Variants in GOLIM4 observed in about 807,000 individuals in gnomAD.
The protein encoded by GOLIM4 is 130 kDa golgi-localized phosphoprotein.
Under a neutral mutation model 107.4 loss-of-function variants are expected in GOLIM4, and 71 were observed. That is an observed-to-expected ratio of 0.66 (90% confidence interval 0.55 to 0.81). GOLIM4 has a LOEUF of 0.81. Ranked by LOEUF, GOLIM4 falls within the 30% of genes least tolerant of loss-of-function variation. The pLI is 0.00. For missense variants in GOLIM4, 830 were observed against 826.1 expected, an observed-to-expected ratio of 1.00 and a Z score of -0.06; for synonymous variants, 327 against 294.8, an observed-to-expected ratio of 1.11 and a Z score of -1.12.
At chr3:168,036,473 C>T (rs1245564331) in intron 8 of GOLIM4, among the ~76,000 whole-genome samples, 1 of 152,122 alleles carries the variant, frequency 6.6e-6, no homozygotes, top group Non-Finnish European at 1.5e-5. Context: ...ACCCGGGAAG[C>T]GGAGGTTGCA....
At chr3:168,052,390 A>T (rs948594585) in intron 1 of GOLIM4, among the ~76,000 whole-genome samples, 2 of 151,400 alleles carry the variant, frequency 1.3e-5, no homozygotes, top group African/African-American at 4.9e-5. Flanking sequence ...ACACTCTCTC[A>T]CACACACACT....
intron 1 of GOLIM4, among the ~76,000 whole-genome samples, chr3:168,050,254 CCA>C (rs1213258936): frequency 7.0e-6 from 1 of 142,510 alleles, no homozygotes; most frequent in Admixed American, 6.8e-5. Context: ...GGTTCCAAGT[CCA>C]CTGCTAAAAA....
intron 1 of GOLIM4, among the ~76,000 whole-genome samples, chr3:168,088,916 T>C (rs901460828): frequency 6.6e-6 from 1 of 152,136 alleles, no homozygotes; most frequent in Admixed American, 6.5e-5. Flanking sequence ...GAACTTAAAC[T>C]AAAGGCTCCC....
intron 5 of GOLIM4, 63 bp downstream of exon 5, chr3:168,043,316 G>T: frequency 1.8e-6 from 2 of 1,132,554 alleles, no homozygotes; most frequent in Non-Finnish European, 2.6e-6. Flanking sequence ...GTCTACAGTT[G>T]CACTGAAACA....
chr3:168,059,312 T>A (rs988407355), intron 1 of GOLIM4, among the ~76,000 whole-genome samples: 1 of 152,238 alleles, frequency 6.6e-6, no homozygotes, highest in Non-Finnish European at 1.5e-5. Context: ...GGAATGCACC[T>A]AACTACCACT....
intron 9 of GOLIM4, 50 bp downstream of exon 9, chr3:168,032,470 G>T: frequency 1.5e-6 from 2 of 1,314,512 alleles, no homozygotes; most frequent in Non-Finnish European, 1.1e-6. Flanking sequence ...TAAAAATAAA[G>T]CCAGGTTTTC....
intron 1 of GOLIM4, among the ~76,000 whole-genome samples, chr3:168,090,720 GTA>G (rs1247450075): frequency 6.6e-6 from 1 of 152,114 alleles, no homozygotes; most frequent in Non-Finnish European, 1.5e-5. Context: ...ACCTGCACTT[GTA>G]TGTTTATTGC....
chr3:168,079,154 C>A (rs1425770884), intron 1 of GOLIM4, among the ~76,000 whole-genome samples: 1 of 152,116 alleles, frequency 6.6e-6, no homozygotes, highest in Non-Finnish European at 1.5e-5. Flanking sequence ...AGAACTAGAG[C>A]ATTCATAGTG....
intron 12 of GOLIM4, among the ~76,000 whole-genome samples, chr3:168,026,170 T>C (rs1233209519): frequency 6.6e-6 from 1 of 152,118 alleles, no homozygotes; most frequent in Non-Finnish European, 1.5e-5. Flanking sequence ...TGAATGTTAC[T>C]CCAGTGCAAA....
chr3:168,035,037 CAAA>C (rs796736692), intron 8 of GOLIM4, among the ~76,000 whole-genome samples: 256 of 66,616 alleles, frequency 3.8e-3, no homozygotes, highest in African/African-American at 9.2e-3. Flanking sequence ...AACAATCATA[CAAA>C]AAAAAAAAAA....
intron 4 of GOLIM4, among the ~76,000 whole-genome samples, chr3:168,044,526 G>A (rs1299325669): frequency 1.3e-5 from 2 of 152,150 alleles, no homozygotes; most frequent in Admixed American, 6.5e-5. Flanking sequence ...ACCACTGTGA[G>A]AAAGTAAATG....
At chr3:168,060,646 A>G (rs1720214291) in intron 1 of GOLIM4, among the ~76,000 whole-genome samples, 1 of 152,212 alleles carries the variant, frequency 6.6e-6, no homozygotes, top group Admixed American at 6.5e-5. Flanking sequence ...CAATGAAACA[A>G]AATCAAAAAT....
At chr3:168,078,525 T>C (rs12631019) in intron 1 of GOLIM4, among the ~76,000 whole-genome samples, 4,955 of 152,226 alleles carry the variant, frequency 0.033, 178 homozygotes, top group South Asian at 0.2. Flanking sequence ...AATTTTAACT[T>C]AGAAACACTT....
chr3:168,028,768 G>A lies in GOLIM4; in HGVS notation c.1513+455C>T, dbSNP rs557516899. Reference sequence around the variant, plus strand: ...ACACATCTAAGTGTTAGTGGTGCCAGAGAGACAGTAAGTTACATTCTGGTT... The same window carrying A: ...ACACATCTAAGTGTTAGTGGTGCCAAAGAGACAGTAAGTTACATTCTGGTT... On this transcript the variant is annotated intron_variant, in intron 11 of 15. Transcript: ENST00000470487. Among the ~76,000 whole-genome samples, 3 of 152,350 alleles carry A rather than the reference G, an allele frequency of 2.0e-5. No homozygotes were observed. The East Asian group carries it at 5.8e-4, about 29-fold the overall frequency.
intron 1 of GOLIM4, among the ~76,000 whole-genome samples, chr3:168,077,878 T>A (rs183142601): frequency 6.6e-6 from 1 of 152,334 alleles, no homozygotes; most frequent in East Asian, 1.9e-4. Context: ...ACTCAACTTA[T>A]AATTTGGTAT....
chr3:168,040,678 C>T (rs1203548456), intron 7 of GOLIM4, 108 bp downstream of exon 7: 3 of 674,166 alleles, frequency 4.4e-6, no homozygotes, highest in East Asian at 5.1e-5. Flanking sequence ...TAGCTCTGTC[C>T]TAAGGAACTC....
chr3:168,040,145 A>C (rs13317016), intron 7 of GOLIM4, among the ~76,000 whole-genome samples: 1 of 152,188 alleles, frequency 6.6e-6, no homozygotes, highest in Non-Finnish European at 1.5e-5. Flanking sequence ...AGAAATCTGC[A>C]TAACACTTAG....
chr3:168,029,290 A>T lies in GOLIM4; in HGVS notation c.1446T>A (p.His482Gln), dbSNP rs984430279. Reference protein sequence around the residue: ...QHQEQLRQQAHYDAMDNDIVQ... With the variant: ...QHQEQLRQQAQYDAMDNDIVQ... ...CGATATCATTATCCATAGCATCATA[A>T]TGAGCTTGCTGCCTACAAGAGACAC... The change falls in exon 11 of 16, where the codon CAT (histidine) becomes CAA (glutamine). Residue 482 changes from histidine (H) to glutamine (Q), a missense_variant. Coordinates refer to ENST00000470487, the MANE Select transcript of GOLIM4 (RefSeq NM_014498.5). The T allele has an allele frequency of 1.1e-5, 17 of 1,605,460 alleles. No individual in the cohort carries two copies. In the African/African-American group the frequency reaches 2.1e-4, roughly 20 times the overall value.
chr3:168,058,835 C>T (rs150405635), intron 1 of GOLIM4, among the ~76,000 whole-genome samples: 79 of 152,220 alleles, frequency 5.2e-4, no homozygotes, highest in African/African-American at 1.8e-3. Flanking sequence ...TAAGGACTCA[C>T]AGTAATAGAA....
Sources: allele counts gnomAD v4.1 joint callset (sites outside exome capture counted in the v4.1 genomes callset), GRCh38; gene constraint gnomAD v4.1.1; transcripts MANE v1.5; gene names NCBI Gene and HGNC (gene_info 2026-07-23, HGNC 2026-07-21).